Variants in CTNND2 observed in about 807,000 individuals in gnomAD.
CTNND2 encodes the protein catenin delta 2.
A neutral mutation model predicts 144.4 loss-of-function variants in CTNND2; 22 were observed. The ratio of observed to expected loss-of-function variants is 0.15; its 90% CI spans 0.11 to 0.22. The LOEUF (loss-of-function observed/expected upper bound fraction) is 0.22, where lower values mean the gene tolerates loss of function less well. Among genes scored for constraint, CTNND2 ranks in the 10% least tolerant of loss-of-function variants. The pLI, the probability that CTNND2 is intolerant of heterozygous loss-of-function variation, is 1.00. For missense variants in CTNND2, 1,353 were observed against 1,618.8 expected (o/e 0.84, Z 2.82); for synonymous variants, 751 against 695.6 (o/e 1.08, Z -1.25).
intron 11 of CTNND2, among the ~76,000 whole-genome samples, chr5:11,186,940 G>GC (rs1735688879): frequency 6.6e-6 from 1 of 152,174 alleles, no homozygotes; most frequent in African/African-American, 2.4e-5. Flanking sequence ...GGCAATGATA[G>GC]ACTGGACGGT....
At chr5:11,168,864 C>A (rs957558726) in intron 11 of CTNND2, among the ~76,000 whole-genome samples, 2 of 151,878 alleles carry the variant, frequency 1.3e-5, no homozygotes, top group Non-Finnish European at 2.9e-5. Context: ...AGACAAAATA[C>A]CCCCACTATC....
chr5:11,717,829 A>G (rs1786439931), intron 2 of CTNND2, among the ~76,000 whole-genome samples: 1 of 152,142 alleles, frequency 6.6e-6, no homozygotes, highest in African/African-American at 2.4e-5. Context: ...CCCATGATTC[A>G]GTTATCTCCA....
At chr5:11,346,343 C>T (rs1438770709) in intron 9 of CTNND2, 29 bp downstream of exon 9, 3 of 1,412,378 alleles carry the variant, frequency 2.1e-6, no homozygotes, top group Non-Finnish European at 1.9e-6. Context: ...CTTTAGACAT[C>T]ATAGGGAAAG....
intron 11 of CTNND2, among the ~76,000 whole-genome samples, chr5:11,181,180 C>T (rs895745906): frequency 2.6e-5 from 4 of 152,092 alleles, no homozygotes; most frequent in Admixed American, 6.5e-5. Context: ...TTATTTGACT[C>T]GCCCTTAGCC....
intron 10 of CTNND2, among the ~76,000 whole-genome samples, chr5:11,221,454 G>A (rs1465470130): frequency 1.3e-5 from 2 of 152,160 alleles, no homozygotes; most frequent in African/African-American, 4.8e-5. Flanking sequence ...CAATAAACTT[G>A]GAAGATAAGG....
At chr5:11,431,625 G>A (rs1445815045) in intron 3 of CTNND2, among the ~76,000 whole-genome samples, 3 of 152,142 alleles carry the variant, frequency 2.0e-5, no homozygotes, top group Non-Finnish European at 2.9e-5. Context: ...GGGGAAGCCC[G>A]CGTTAGCCAG....
At position 11,313,944 on chromosome 5, in the gene CTNND2, G is replaced by A. The variant is rs141793565; in HGVS notation, c.1628+32428C>T. 7.5e-4 allele frequency among the ~76,000 whole-genome samples: 114 copies of A among 152,146 alleles called. 1 individual carries two copies. The highest frequency in any genetic ancestry group is 2.6e-3 in the African/African-American group (108 of 41,502). ...ACACACGATTAAACAACCAGATCTC[G>A]TGAGAACTCACTCACTATCACTAGA... On this transcript the variant is annotated intron_variant, in intron 9 of 21. Transcript: ENST00000304623.
At chr5:11,354,476 T>C (rs1755655202) in intron 8 of CTNND2, among the ~76,000 whole-genome samples, 1 of 152,208 alleles carries the variant, frequency 6.6e-6, no homozygotes, top group Non-Finnish European at 1.5e-5. Context: ...CTGTGACCCT[T>C]TTTATTTTGT....
chr5:11,904,006 A>T lies in CTNND2; in HGVS notation c.-153T>A. Reference sequence around the variant, plus strand: ...GGGACAAGGGATGCTGGCGGGCGGCAGGGGCGAGCGCCGCGGGCGAGAGGC... The same window carrying T: ...GGGACAAGGGATGCTGGCGGGCGGCTGGGGCGAGCGCCGCGGGCGAGAGGC... On this transcript the variant is annotated 5_prime_UTR_variant, in exon 1 of 22. Coordinates refer to ENST00000304623, the MANE Select transcript of CTNND2 (RefSeq NM_001332.4). The surrounding 1 kb of genome is among the most constrained non-coding windows in gnomAD (Gnocchi z 4.2). 1 of 867,446 alleles carries T rather than the reference A, an allele frequency of 1.2e-6. No homozygotes were observed. The highest frequency in any genetic ancestry group is 1.5e-6 in the Non-Finnish European group (1 of 663,266). The allele number at this position is 867,446 out of a possible 1,614,324, so 53.7% of individuals were successfully genotyped here. A position where few individuals can be genotyped will look rare whatever the true frequency, so the allele number is the denominator to read the frequency against.
chr5:11,866,287 C>A (rs545927628), intron 1 of CTNND2, among the ~76,000 whole-genome samples: 1 of 152,230 alleles, frequency 6.6e-6, no homozygotes, highest in Admixed American at 6.5e-5. Context: ...AGGATGATAA[C>A]GCCAGACGTT....
At chr5:11,118,771 A>G (rs1227969713) in intron 12 of CTNND2, among the ~76,000 whole-genome samples, 1 of 152,204 alleles carries the variant, frequency 6.6e-6, no homozygotes, top group African/African-American at 2.4e-5. Flanking sequence ...AGGTAGTCTC[A>G]TTTCATATTC....
In CTNND2 at chr5:11,793,740, T is replaced by C. The variant is rs139907227; in HGVS notation, c.38-61468A>G. On this transcript the variant is annotated intron_variant, in intron 1 of 21. Coordinates refer to ENST00000304623, the MANE Select transcript of CTNND2 (RefSeq NM_001332.4). Reference sequence around the variant, plus strand: ...CAGAACTGAAGGTAAATTTCTGTTGTTCTAAGTCACTCAGATTGTGGCAAT... The same window carrying C: ...CAGAACTGAAGGTAAATTTCTGTTGCTCTAAGTCACTCAGATTGTGGCAAT... 3.5e-3 allele frequency among the ~76,000 whole-genome samples: 532 copies of C among 152,292 alleles called. 1 individual carries two copies. The highest frequency in any genetic ancestry group is 0.017 in the Middle Eastern group (5 of 294).
chr5:11,837,438 G>T (rs948717807), intron 1 of CTNND2, among the ~76,000 whole-genome samples: 1 of 152,200 alleles, frequency 6.6e-6, no homozygotes, highest in South Asian at 2.1e-4. Flanking sequence ...GGACATTATT[G>T]CCAGTGGTCA....
At chr5:11,721,374 GT>G (rs11430959) in intron 2 of CTNND2, among the ~76,000 whole-genome samples, 8 of 151,286 alleles carry the variant, frequency 5.3e-5, no homozygotes, top group Non-Finnish European at 8.8e-5. Flanking sequence ...TCAATAAGCT[GT>G]TTTTTTTTAA....
chr5:11,240,190 AACACAC>A (rs141028390), intron 9 of CTNND2, among the ~76,000 whole-genome samples: 89 of 110,982 alleles, frequency 8.0e-4, no homozygotes, highest in Admixed American at 2.7e-3. Context: ...TCACACACCC[AACACAC>A]ACACACACAC....
intron 3 of CTNND2, among the ~76,000 whole-genome samples, chr5:11,534,606 A>AG (rs779493106): frequency 1.3e-5 from 2 of 151,460 alleles, no homozygotes; most frequent in Non-Finnish European, 2.9e-5. Context: ...ACTCCATTGC[A>AG]GGGGAAAAAA....
intron 3 of CTNND2, among the ~76,000 whole-genome samples, chr5:11,437,634 G>C (rs1763887017): frequency 6.6e-6 from 1 of 152,086 alleles, no homozygotes; most frequent in African/African-American, 2.4e-5. Flanking sequence ...GTTGAAGGCA[G>C]ACATGAGTGT....
chr5:11,004,900 A>G (rs993962344), intron 18 of CTNND2, among the ~76,000 whole-genome samples: 7 of 152,192 alleles, frequency 4.6e-5, no homozygotes, highest in African/African-American at 1.4e-4. Flanking sequence ...AAAAATTAGT[A>G]AGTAGCTAGC....
At chr5:11,673,498 T>C (rs1278300730) in intron 2 of CTNND2, among the ~76,000 whole-genome samples, 1 of 152,232 alleles carries the variant, frequency 6.6e-6, no homozygotes, top group African/African-American at 2.4e-5. Flanking sequence ...TAAATGATTA[T>C]GCATAAGTTT....
Sources: gnomAD v4.1 joint callset for allele counts (sites outside exome capture counted in the v4.1 genomes callset) on GRCh38, gnomAD v4.1.1 for gene constraint, Gnocchi (gnomAD v3.1) non-coding constraint, MANE v1.5 for transcripts, NCBI Gene and HGNC (gene_info 2026-07-23, HGNC 2026-07-21) for gene names.